Variants in MTUS1 observed in about 807,000 individuals in gnomAD.
MTUS1 encodes microtubule associated scaffold protein 1, also known as microtubule-associated tumor suppressor 1.
In MTUS1, 109 loss-of-function variants were observed where a neutral mutation model predicts 120.8. The observed-to-expected ratio is 0.90, with a 90% confidence interval of 0.77 to 1.06. The LOEUF (loss-of-function observed/expected upper bound fraction) is 1.06, where lower values mean the gene tolerates loss of function less well. Among genes scored for constraint, MTUS1 ranks in the 50% least tolerant of loss-of-function variants. The pLI is 0.00. For missense variants in MTUS1, 2,210 were observed against 1,486.3 expected (o/e 1.49, Z -8.01); for synonymous variants, 737 against 550.5 (o/e 1.34, Z -4.74).
At chr8:17,761,366 A>G (rs1173350148) in intron 1 of MTUS1, among the ~76,000 whole-genome samples, 2 of 152,218 alleles carry the variant, frequency 1.3e-5, no homozygotes, top group African/African-American at 4.8e-5. Context: ...TTATCATATA[A>G]TAGAATTCAT....
intron 3 of MTUS1, among the ~76,000 whole-genome samples, chr8:17,739,159 AAAAC>A (rs1405990195): frequency 5.3e-5 from 8 of 152,184 alleles, no homozygotes; most frequent in Admixed American, 3.9e-4. Context: ...AAACAAACAG[AAAAC>A]AAACAAACAA....
At chr8:17,794,619 T>C (rs1419682949) in intron 1 of MTUS1, among the ~76,000 whole-genome samples, 3 of 152,198 alleles carry the variant, frequency 2.0e-5, no homozygotes, top group Admixed American at 6.5e-5. Flanking sequence ...CAATCCTCAC[T>C]TCAATTAAAG....
Position 17,645,803 on chromosome 8 carries a change from C to T in MTUS1, c.*123G>A. On this transcript the variant is annotated 3_prime_UTR_variant, in exon 15 of 15. Coordinates refer to ENST00000693296, the MANE Select transcript of MTUS1 (RefSeq NM_001363059.2). ...TGCGATTCCGCCGGTGGTGACGCTC[C>T]AGTTACCCTACGGTGATCACACGTG... The T allele has an allele frequency of 7.8e-7, 1 of 1,289,312 alleles. No homozygotes were observed. The highest frequency in any genetic ancestry group is 1.0e-6 in the Non-Finnish European group (1 of 984,764). The allele number at this position is 1,289,312 out of a possible 1,614,324, so 79.9% of individuals were successfully genotyped here. A position where few individuals can be genotyped will look rare whatever the true frequency, so the allele number is the denominator to read the frequency against.
At chr8:17,732,437 G>C (rs2046650248) in intron 3 of MTUS1, among the ~76,000 whole-genome samples, 1 of 152,172 alleles carries the variant, frequency 6.6e-6, no homozygotes, top group South Asian at 2.1e-4. Context: ...GTTCCTGGCT[G>C]TTCCTTCTTG....
chr8:17,690,430 T>C (rs1021439019), intron 6 of MTUS1, among the ~76,000 whole-genome samples: 5 of 152,206 alleles, frequency 3.3e-5, no homozygotes, highest in Admixed American at 2.0e-4. Flanking sequence ...TTATACACTG[T>C]TGGTGGGACT....
chr8:17,740,858 AG>A (rs2131248108), intron 3 of MTUS1, among the ~76,000 whole-genome samples: 1 of 152,112 alleles, frequency 6.6e-6, no homozygotes, highest in East Asian at 1.9e-4. Flanking sequence ...GGACAGTTCC[AG>A]TGTCTCTTCC....
At chr8:17,669,706 G>A (rs1017263176) in intron 8 of MTUS1, among the ~76,000 whole-genome samples, 3 of 152,092 alleles carry the variant, frequency 2.0e-5, no homozygotes, top group African/African-American at 7.2e-5. Flanking sequence ...TTAGCCGGCC[G>A]TGGTGGTGCG....
At chr8:17,783,570 G>A (rs962119230) in intron 1 of MTUS1, among the ~76,000 whole-genome samples, 8 of 152,232 alleles carry the variant, frequency 5.3e-5, no homozygotes, top group African/African-American at 1.9e-4. Context: ...GTTGTGCTAT[G>A]AGAAGAATGT....
intron 1 of MTUS1, among the ~76,000 whole-genome samples, chr8:17,756,490 T>G (rs1411213444): frequency 6.6e-6 from 1 of 152,156 alleles, no homozygotes; most frequent in East Asian, 1.9e-4. Context: ...GAACTCACGT[T>G]TCTCCTTTGT....
rs1010419571 is a variant in MTUS1, at chr8:17,790,296, C to G, written c.-155+10765G>C. Among the ~76,000 whole-genome samples, 3 of 150,520 alleles carry G rather than the reference C, an allele frequency of 2.0e-5. No individual in the cohort carries two copies. In the East Asian group the frequency reaches 5.9e-4, roughly 29 times the overall value. ...CCGGGAGGCAGAGGTTGCCATGAGC[C>G]GAGATGAAGCCATTGCACTCCAGCC... On this transcript the variant is annotated intron_variant, in intron 1 of 14. Coordinates refer to ENST00000693296, the MANE Select transcript of MTUS1 (RefSeq NM_001363059.2).
chr8:17,757,271 AATATT>A (rs1366550022), intron 1 of MTUS1, among the ~76,000 whole-genome samples: 2 of 152,196 alleles, frequency 1.3e-5, no homozygotes, highest in African/African-American at 4.8e-5. Flanking sequence ...TTACACTTGA[AATATT>A]ATATCAAATG....
At chr8:17,697,195 A>C in intron 6 of MTUS1, 1 of 1,518,462 alleles carries the variant, frequency 6.6e-7, no homozygotes. Context: ...TCTGATAAAC[A>C]TCTGCAAATT....
At chr8:17,745,522 G>A (rs1016214363) in intron 2 of MTUS1, among the ~76,000 whole-genome samples, 1 of 152,100 alleles carries the variant, frequency 6.6e-6, no homozygotes, top group Admixed American at 6.5e-5. Flanking sequence ...AGATACAGAG[G>A]GCTGACTGTA....
intron 7 of MTUS1, among the ~76,000 whole-genome samples, chr8:17,677,863 T>C (rs190936235): frequency 6.6e-6 from 1 of 152,302 alleles, no homozygotes; most frequent in African/African-American, 2.4e-5. Context: ...TCTAAATTGG[T>C]TGGTAACTTA....
chr8:17,780,713 T>C (rs1185611337), intron 1 of MTUS1, among the ~76,000 whole-genome samples: 2 of 152,206 alleles, frequency 1.3e-5, no homozygotes, highest in African/African-American at 2.4e-5. Context: ...ATCATGAGCC[T>C]CTGCCTCCTT....
At chr8:17,706,777 A>C (rs1389988007) in intron 6 of MTUS1, among the ~76,000 whole-genome samples, 1 of 152,218 alleles carries the variant, frequency 6.6e-6, no homozygotes, top group Non-Finnish European at 1.5e-5. Context: ...AGCACCCTAA[A>C]TATTCAAAAG....
intron 6 of MTUS1, among the ~76,000 whole-genome samples, chr8:17,693,916 G>A (rs1330410283): frequency 1.3e-5 from 2 of 152,186 alleles, no homozygotes; most frequent in Non-Finnish European, 2.9e-5. Flanking sequence ...AATCTGTAAT[G>A]TGAAAGACAG....
At chr8:17,742,771 G>C (rs1349789671) in intron 3 of MTUS1, among the ~76,000 whole-genome samples, 4 of 152,212 alleles carry the variant, frequency 2.6e-5, no homozygotes, top group Admixed American at 1.3e-4. Context: ...GAGAGGTACA[G>C]AGATCTTCTG....
At chr8:17,761,931 T>G (rs2049066715) in intron 1 of MTUS1, among the ~76,000 whole-genome samples, 1 of 152,300 alleles carries the variant, frequency 6.6e-6, no homozygotes, top group Non-Finnish European at 1.5e-5. Context: ...CTCCCTTGAA[T>G]CAAAAAAGAT....
Sources: allele counts gnomAD v4.1 joint callset (sites outside exome capture counted in the v4.1 genomes callset), GRCh38; gene constraint gnomAD v4.1.1; transcripts MANE v1.5; gene names NCBI Gene and HGNC (gene_info 2026-07-23, HGNC 2026-07-21).